Variants in MCF2L observed in about 807,000 individuals in gnomAD.
The protein encoded by MCF2L is MCF.2 cell line derived transforming sequence like.
Under a neutral mutation model 153.4 loss-of-function variants are expected in MCF2L, and 97 were observed. The observed-to-expected ratio is 0.63, with a 90% CI of 0.54 to 0.75. The LOEUF (loss-of-function observed/expected upper bound fraction) is 0.75. Ranked by LOEUF, MCF2L falls within the 30% of genes least tolerant of loss-of-function variation. The pLI is 0.00. For missense variants in MCF2L, 1,347 were observed against 1,495.2 expected, an observed-to-expected ratio of 0.90 and a Z score of 1.64; for synonymous variants, 659 against 632.2, an observed-to-expected ratio of 1.04 and a Z score of -0.64.
Position 113,089,670 on chromosome 13 carries a change from A to C in MCF2L, c.2895A>C (p.Leu965=). ...TGGAAGAAAGGAAAACAGACCCCCT[A>C]AGCCTGGAGGGATACGTCAGCTCAG... ...KKLEERKTDP[L]SLEGYVSSAP... is the part of the protein sequence containing the mutation. Residue 965 remains leucine, a synonymous_variant, in exon 26 of 30, where the codon CTA becomes CTC. Transcript: ENST00000535094. 6.2e-7 allele frequency: 1 copy of C among 1,613,970 alleles called. No homozygotes were observed. Among genetic ancestry groups the C allele is most frequent in the Non-Finnish European group, 8.5e-7 (1 of 1,179,986 alleles).
intron 2 of MCF2L, chr13:112,909,499 C>T (rs954168077): frequency 5.2e-5 from 28 of 539,102 alleles, no homozygotes; most frequent in Admixed American, 9.1e-5. Context: ...CCTACACTAG[C>T]GCAGAGGGTG....
In MCF2L at chr13:112,983,120, G is replaced by A. The variant is rs1486610642; in HGVS notation, c.79+13662G>A. ...GAGGTGAGGTTCAGGTGCGGCCCACGGGCTGTGGCAGGGACGCAGCACTCA... is the reference window on the plus strand; with the variant it reads ...GAGGTGAGGTTCAGGTGCGGCCCACAGGCTGTGGCAGGGACGCAGCACTCA... On this transcript the variant is annotated intron_variant, in intron 1 of 29. Transcript: ENST00000535094. The surrounding 1 kb of genome is among the most constrained non-coding windows in gnomAD (Gnocchi z 4.0). Among the ~76,000 whole-genome samples, 1 of 152,046 alleles carries A rather than the reference G, an allele frequency of 6.6e-6. No homozygotes were observed. The highest frequency in any genetic ancestry group is 1.5e-5 in the Non-Finnish European group (1 of 68,002).
At chr13:112,955,600 G>A (rs2081747616) in intron 2 of MCF2L, among the ~76,000 whole-genome samples, 2 of 152,114 alleles carry the variant, frequency 1.3e-5, no homozygotes, top group African/African-American at 4.8e-5. Context: ...CTCCCTCAAG[G>A]TCACCCCCTG....
chr13:113,014,942 G>A (rs917756052), intron 2 of MCF2L, 96 bp downstream of exon 2: 89 of 1,101,688 alleles, frequency 8.1e-5, no homozygotes, highest in Non-Finnish European at 1.2e-4. Flanking sequence ...CTGGAGCTGG[G>A]AAGGGTCATG....
intron 3 of MCF2L, chr13:113,044,353 G>T: frequency 2.9e-6 from 1 of 343,332 alleles, no homozygotes. Context: ...AAATCCGAGC[G>T]TCAGAAGGAT....
chr13:113,038,604 A>G (rs757361610), intron 3 of MCF2L, among the ~76,000 whole-genome samples: 7 of 152,236 alleles, frequency 4.6e-5, no homozygotes, highest in Non-Finnish European at 1.0e-4. Flanking sequence ...GCAGTTCCCA[A>G]ATAAAATTCC....
intron 2 of MCF2L, among the ~76,000 whole-genome samples, chr13:112,939,544 G>A (rs897974417): frequency 3.3e-5 from 5 of 152,214 alleles, no homozygotes; most frequent in East Asian, 1.9e-4. Context: ...TGTATTGCTG[G>A]ATGTGTGGAC....
intron 2 of MCF2L, among the ~76,000 whole-genome samples, chr13:112,915,216 T>C (rs1022814917): frequency 6.6e-6 from 1 of 151,848 alleles, no homozygotes; most frequent in African/African-American, 2.4e-5. Flanking sequence ...GAGACCACCC[T>C]GGCTAACACG....
chr13:112,994,415 T>C (rs376771612), intron 1 of MCF2L, among the ~76,000 whole-genome samples: 12 of 152,286 alleles, frequency 7.9e-5, no homozygotes, highest in African/African-American at 2.9e-4. Context: ...TGTGCCAGTG[T>C]CTCGGGCAGG....
chr13:113,078,418 G>C lies in MCF2L; in HGVS notation c.1716G>C (p.Gly572=). 6.2e-7 allele frequency: 1 copy of C among 1,612,308 alleles called. No homozygotes were observed. Among genetic ancestry groups the C allele is most frequent in the South Asian group, 1.1e-5 (1 of 90,938 alleles). ...SSSEGGALRR[G]PYRRAKSEMS... Reference sequence around the variant, plus strand: ...CCGAGGGCGGTGCGCTCCGGAGAGGGCCCTACCGGAGGGCCAAGGTGAGGC... The same window carrying C: ...CCGAGGGCGGTGCGCTCCGGAGAGGCCCCTACCGGAGGGCCAAGGTGAGGC... Residue 572 remains glycine (G), a synonymous_variant, in exon 14 of 30, where the codon GGG becomes GGC. Coordinates refer to ENST00000535094, the MANE Select transcript of MCF2L (RefSeq NM_001112732.3).
Position 112,953,519 on chromosome 13 carries a change from A to G in MCF2L, c.169+51148A>G, listed in dbSNP as rs1423893017. 4.6e-5 allele frequency among the ~76,000 whole-genome samples: 7 copies of G among 152,234 alleles called. No homozygotes were observed. The East Asian group carries it at 1.3e-3, about 29-fold the overall frequency. ...AGGGTGTTGGGAGCTCGAAGACCAC[A>G]GTGCCTGCTCTGTTCCACGTAATTT... On this transcript the variant is annotated intron_variant, in intron 2 of 29. Transcript: ENST00000375608.
upstream of MCF2L, chr13:112,968,643 G>A (rs1334890665): frequency 2.0e-6 from 3 of 1,525,396 alleles, no homozygotes; most frequent in Middle Eastern, 1.7e-4. Flanking sequence ...GGTGGCATGC[G>A]GCCACACGGA....
At chr13:112,937,970 T>G (rs2081534994) in intron 2 of MCF2L, among the ~76,000 whole-genome samples, 4 of 420 alleles carry the variant, frequency 9.5e-3, no homozygotes, top group Admixed American at 0.036. Context: ...GATCTCTGAG[T>G]GGTTGGTTCA....
intron 3 of MCF2L, among the ~76,000 whole-genome samples, chr13:113,036,520 A>G (rs2086161966): frequency 6.6e-6 from 1 of 152,196 alleles, no homozygotes; most frequent in East Asian, 1.9e-4. Context: ...AAAGCAGGCC[A>G]GGGCATCAGG....
rs759499288 is a variant in MCF2L, at chr13:113,075,946, G to A, written c.1309-20G>A. 5 of 1,585,598 alleles carry A rather than the reference G, an allele frequency of 3.2e-6. No homozygotes were observed. Among genetic ancestry groups the A allele is most frequent in the South Asian group, 2.3e-5 (2 of 87,952 alleles). ...ACCCTCTCACGGCGTCCTGCCCTCGGCAATGCTCTGTGTTTCCAGTCCATG... is the reference window on the plus strand; with the variant it reads ...ACCCTCTCACGGCGTCCTGCCCTCGACAATGCTCTGTGTTTCCAGTCCATG... On this transcript the variant is annotated intron_variant, in intron 11 of 29. Coordinates refer to ENST00000535094, the MANE Select transcript of MCF2L (RefSeq NM_001112732.3).
intron 2 of MCF2L, among the ~76,000 whole-genome samples, chr13:112,946,997 G>A (rs2081644685): frequency 6.6e-6 from 1 of 152,190 alleles, no homozygotes; most frequent in Non-Finnish European, 1.5e-5. Flanking sequence ...TAAACGCAGG[G>A]CTTGTCTACT....
intron 26 of MCF2L, 44 bp downstream of exon 26, chr13:113,089,772 G>A (rs200508437): frequency 8.1e-6 from 13 of 1,598,526 alleles, no homozygotes; most frequent in East Asian, 6.7e-5. Context: ...GGCCTCACAC[G>A]GAGCTGCTCA....
chr13:113,001,797 G>A, intron 1 of MCF2L: 2 of 1,433,266 alleles, frequency 1.4e-6, no homozygotes, highest in South Asian at 1.5e-5. Context: ...ACCCAGGAAG[G>A]TGTGGCGTCC....
At chr13:112,926,228 G>C (rs77754101) in intron 2 of MCF2L, among the ~76,000 whole-genome samples, 1 of 151,858 alleles carries the variant, frequency 6.6e-6, no homozygotes, top group African/African-American at 2.4e-5. Context: ...AGTACTGTAC[G>C]GCCTAATCTA....
Sources: gnomAD v4.1 joint callset for allele counts (sites outside exome capture counted in the v4.1 genomes callset) on GRCh38, gnomAD v4.1.1 for gene constraint, Gnocchi (gnomAD v3.1) non-coding constraint, MANE v1.5 for transcripts, NCBI Gene and HGNC (gene_info 2026-07-23, HGNC 2026-07-21) for gene names.